Variants in PTPRN2 observed in about 807,000 individuals in gnomAD.
PTPRN2 encodes protein tyrosine phosphatase receptor type N2, also known as receptor-type tyrosine-protein phosphatase N2.
A neutral mutation model predicts 118.8 loss-of-function variants in PTPRN2; 74 were observed. The observed-to-expected ratio is 0.62, with a 90% CI of 0.52 to 0.76. PTPRN2 has a LOEUF of 0.76. Ranked by LOEUF, PTPRN2 falls within the 30% of genes least tolerant of loss-of-function variation. PTPRN2 has a pLI of 0.00. For missense variants in PTPRN2, 1,481 were observed against 1,394.4 expected, an observed-to-expected ratio of 1.06 and a Z score of -0.99; for synonymous variants, 641 against 608.0, an observed-to-expected ratio of 1.05 and a Z score of -0.80.
At chr7:158,551,029 C>A (rs925327021) in intron 1 of PTPRN2, among the ~76,000 whole-genome samples, 2 of 152,238 alleles carry the variant, frequency 1.3e-5, no homozygotes, top group African/African-American at 2.4e-5. Context: ...CGACCGTGAG[C>A]ACGGGGCCCT....
chr7:157,773,821 C>A (rs1397201503), intron 12 of PTPRN2, among the ~76,000 whole-genome samples: 1 of 152,192 alleles, frequency 6.6e-6, no homozygotes, highest in East Asian at 1.9e-4. Flanking sequence ...ATGATGGTAA[C>A]AATAACTGGA....
At chr7:158,212,675 T>C (rs551162054) in intron 3 of PTPRN2, among the ~76,000 whole-genome samples, 225 of 152,222 alleles carry the variant, frequency 1.5e-3, no homozygotes, top group African/African-American at 5.2e-3. Context: ...AATATTGTGG[T>C]CACAGCAAAG....
intron 2 of PTPRN2, among the ~76,000 whole-genome samples, chr7:158,408,099 T>C (rs139412181): frequency 2.2e-4 from 33 of 152,282 alleles, no homozygotes; most frequent in Non-Finnish European, 4.0e-4. Context: ...CAACGTGACA[T>C]GTAGGATGTG....
chr7:158,271,011 ACCCCTCCACCTGGACGG>A (rs1798449417), intron 3 of PTPRN2, among the ~76,000 whole-genome samples: 5 of 32,826 alleles, frequency 1.5e-4, no homozygotes, highest in Admixed American at 3.8e-4. Context: ...CACCTGGACC[ACCCCTCCACCTGGACGG>A]CCCCCTCCAC....
intron 10 of PTPRN2, among the ~76,000 whole-genome samples, chr7:158,081,729 G>A (rs1812858856): frequency 6.6e-6 from 1 of 152,192 alleles, no homozygotes; most frequent in African/African-American, 2.4e-5. Context: ...TGGTCCCCAA[G>A]GGAGATGTAT....
intron 12 of PTPRN2, among the ~76,000 whole-genome samples, chr7:157,709,694 T>C (rs60376668): frequency 0.13 from 19,092 of 152,214 alleles, 1,530 homozygotes; most frequent in East Asian, 0.31. Context: ...CTCCAGGAGC[T>C]GCGCCACACA....
rs1033081712 is a variant in PTPRN2 at position 158,450,178 on chromosome 7, G to T, written c.163+39557C>A. On this transcript the variant is annotated intron_variant, in intron 2 of 22. Coordinates refer to ENST00000389418, the MANE Select transcript of PTPRN2 (RefSeq NM_002847.5). ...CAAGACCCCATCTAACCCAATCACCGCCCAAAGGCCACCTATCCCATCGTG... is the reference window on the plus strand; with the variant it reads ...CAAGACCCCATCTAACCCAATCACCTCCCAAAGGCCACCTATCCCATCGTG... 2.6e-5 allele frequency among the ~76,000 whole-genome samples: 4 copies of T among 152,188 alleles called. No homozygotes were observed. The East Asian group carries it at 5.8e-4, about 22-fold the overall frequency.
intron 11 of PTPRN2, among the ~76,000 whole-genome samples, chr7:158,072,128 TCA>T (rs1811985385): frequency 6.7e-6 from 1 of 148,820 alleles, no homozygotes; most frequent in Admixed American, 6.7e-5. Flanking sequence ...GTGGAGGTGC[TCA>T]TGTAGGATCT....
intron 9 of PTPRN2, among the ~76,000 whole-genome samples, chr7:158,124,708 C>T (rs1817472658): frequency 6.6e-6 from 1 of 152,104 alleles, no homozygotes; most frequent in South Asian, 2.1e-4. Context: ...CTGCAGGAGC[C>T]CAGCTGCCGG....
chr7:157,624,073 G>C (rs561270547), intron 14 of PTPRN2, among the ~76,000 whole-genome samples: 31 of 152,106 alleles, frequency 2.0e-4, no homozygotes, highest in Non-Finnish European at 2.9e-5. Flanking sequence ...CGGGAGCTTA[G>C]TACAGATGCT....
chr7:157,806,138 G>A (rs1805616785), intron 12 of PTPRN2, among the ~76,000 whole-genome samples: 1 of 152,174 alleles, frequency 6.6e-6, no homozygotes, highest in South Asian at 2.1e-4. Context: ...TATCTGAAGT[G>A]ATTGGAACCA....
chr7:158,085,898 G>A (rs1204143036), intron 10 of PTPRN2, among the ~76,000 whole-genome samples: 1 of 126,844 alleles, frequency 7.9e-6, no homozygotes, highest in South Asian at 2.7e-4. Flanking sequence ...CCACACCCAC[G>A]ACGCCCATCC....
chr7:158,487,872 A>G (rs947050401), intron 2 of PTPRN2, among the ~76,000 whole-genome samples: 1 of 152,162 alleles, frequency 6.6e-6, no homozygotes, highest in African/African-American at 2.4e-5. Flanking sequence ...CATAAAAAAA[A>G]AAAATCAAAT....
intron 1 of PTPRN2, among the ~76,000 whole-genome samples, chr7:158,572,508 G>T (rs1164035517): frequency 1.3e-5 from 2 of 152,140 alleles, no homozygotes; most frequent in Non-Finnish European, 2.9e-5. Flanking sequence ...GGTGCAGCCT[G>T]CTGGGTCCTA....
intron 6 of PTPRN2, among the ~76,000 whole-genome samples, chr7:158,147,323 T>A (rs1820201494): frequency 1.8e-5 from 2 of 111,672 alleles, no homozygotes; most frequent in African/African-American, 8.9e-5. Flanking sequence ...GCCACGTGTC[T>A]TTCCCCCTCA....
At chr7:157,882,085 C>A (rs1474740617) in intron 12 of PTPRN2, among the ~76,000 whole-genome samples, 1 of 151,914 alleles carries the variant, frequency 6.6e-6, no homozygotes, top group Non-Finnish European at 1.5e-5. Context: ...ACAGAACACA[C>A]CACCCCAAAA....
intron 14 of PTPRN2, among the ~76,000 whole-genome samples, chr7:157,630,590 T>C (rs1192192046): frequency 6.6e-6 from 1 of 152,134 alleles, no homozygotes; most frequent in Non-Finnish European, 1.5e-5. Context: ...GTTCCGGCTC[T>C]CCAAACAAGC....
At chr7:158,478,303 C>T (rs997742500) in intron 2 of PTPRN2, among the ~76,000 whole-genome samples, 3 of 152,206 alleles carry the variant, frequency 2.0e-5, no homozygotes, top group South Asian at 4.1e-4. Context: ...GGGAAAGCAG[C>T]GCCGTACAGA....
chr7:158,217,353 C>T (rs1828025871), intron 3 of PTPRN2, among the ~76,000 whole-genome samples: 1 of 152,164 alleles, frequency 6.6e-6, no homozygotes, highest in African/African-American at 2.4e-5. Flanking sequence ...CAAGCTGAAC[C>T]TCGGCCCTAT....
Sources: gnomAD v4.1 joint callset for allele counts (sites outside exome capture counted in the v4.1 genomes callset) on GRCh38, gnomAD v4.1.1 for gene constraint, MANE v1.5 for transcripts, NCBI Gene and HGNC (gene_info 2026-07-23, HGNC 2026-07-21) for gene names.